Variants in NOS1AP observed in about 807,000 individuals in gnomAD.
NOS1AP encodes the protein carboxyl-terminal PDZ ligand of neuronal nitric oxide synthase protein.
A neutral mutation model predicts 56.2 loss-of-function variants in NOS1AP; 21 were observed. The observed-to-expected ratio is 0.37, with a 90% CI of 0.26 to 0.54. The LOEUF is 0.54. Among genes scored for constraint, NOS1AP ranks in the 20% least tolerant of loss-of-function variants. NOS1AP has a pLI of 0.84. For missense variants in NOS1AP, 522 were observed against 657.8 expected, an observed-to-expected ratio of 0.79 and a Z score of 2.26; for synonymous variants, 270 against 274.6, an observed-to-expected ratio of 0.98 and a Z score of 0.17.
intron 2 of NOS1AP, among the ~76,000 whole-genome samples, chr1:162,198,673 A>G (rs1040963784): frequency 2.0e-5 from 3 of 152,178 alleles, no homozygotes; most frequent in Non-Finnish European, 4.4e-5. Context: ...CTCTGACTCA[A>G]ATTTAATCCA....
At chr1:162,199,595 CGTGTGTGTGTGTGTGTGTGT>C (rs58625856) in intron 2 of NOS1AP, among the ~76,000 whole-genome samples, 1 of 131,590 alleles carries the variant, frequency 7.6e-6, no homozygotes, top group Non-Finnish European at 1.6e-5. Flanking sequence ...GCATGGATTG[CGTGTGTGTGTGTGTGTGTGT>C]GTGTGTGTGT....
intron 1 of NOS1AP, among the ~76,000 whole-genome samples, chr1:162,138,053 C>T (rs2102070843): frequency 6.6e-6 from 1 of 152,192 alleles, no homozygotes; most frequent in African/African-American, 2.4e-5. Context: ...ACATTGACAC[C>T]TTTTTTTAAA....
chr1:162,144,906 T>G lies in NOS1AP; in HGVS notation c.106-9499T>G, dbSNP rs114328505. Among the ~76,000 whole-genome samples, 254 of 152,330 alleles carry G rather than the reference T, an allele frequency of 1.7e-3. 1 individual carries two copies. The highest frequency in any genetic ancestry group is 5.7e-3 in the African/African-American group (239 of 41,584). The stretch of plus-strand genomic sequence containing the variant: ...AGAACTGAAAGACACAGCCTCCCCA[T>G]GGGCACGCTGGTTGGATCGTTCTGT... On this transcript the variant is annotated intron_variant, in intron 1 of 9. Transcript: ENST00000361897.
At chr1:162,106,204 C>T (rs1336977101) in intron 1 of NOS1AP, among the ~76,000 whole-genome samples, 1 of 152,246 alleles carries the variant, frequency 6.6e-6, no homozygotes, top group Non-Finnish European at 1.5e-5. Flanking sequence ...CAATCACTCA[C>T]TGCTTTCCTT....
intron 1 of NOS1AP, among the ~76,000 whole-genome samples, chr1:162,094,035 C>T (rs139099337): frequency 1.8e-4 from 27 of 152,282 alleles, no homozygotes; most frequent in African/African-American, 4.8e-4. Context: ...CCTCAATAGG[C>T]GTAAGTGCTT....
At chr1:162,136,995 G>A (rs1649030826) in intron 1 of NOS1AP, among the ~76,000 whole-genome samples, 1 of 152,208 alleles carries the variant, frequency 6.6e-6, no homozygotes, top group Non-Finnish European at 1.5e-5. Flanking sequence ...ACTTGCTCAT[G>A]AAGATTCTGA....
intron 1 of NOS1AP, among the ~76,000 whole-genome samples, chr1:162,089,918 A>T (rs1348660032): frequency 2.6e-5 from 4 of 152,260 alleles, no homozygotes; most frequent in Non-Finnish European, 1.5e-5. Context: ...TGTTGTCTTA[A>T]GCCTGTAGCT....
chr1:162,243,673 T>G (rs1455130598), intron 2 of NOS1AP, among the ~76,000 whole-genome samples: 3 of 152,234 alleles, frequency 2.0e-5, no homozygotes, highest in Non-Finnish European at 4.4e-5. Context: ...GGGTTAATTC[T>G]GAGAGGTTCC....
Position 162,327,656 on chromosome 1 carries a change from G to A in NOS1AP, c.345-5361G>A, listed in dbSNP as rs566538006. Among the ~76,000 whole-genome samples, 5 of 152,310 alleles carry A rather than the reference G, an allele frequency of 3.3e-5. No homozygotes were observed. The East Asian group carries it at 9.6e-4, about 29-fold the overall frequency. On this transcript the variant is annotated intron_variant, in intron 4 of 9. Coordinates refer to ENST00000361897, the MANE Select transcript of NOS1AP (RefSeq NM_014697.3). ...GCGCAAATTAGCTTTGAGCATTTGAGTAGACTACAGTGTGAACCAGCAATG... is the reference window on the plus strand; with the variant it reads ...GCGCAAATTAGCTTTGAGCATTTGAATAGACTACAGTGTGAACCAGCAATG...
chr1:162,261,612 A>G (rs1654244432), intron 2 of NOS1AP, among the ~76,000 whole-genome samples: 2 of 151,682 alleles, frequency 1.3e-5, no homozygotes, highest in African/African-American at 4.9e-5. Context: ...GATGATAAGG[A>G]AGGGGCCAGA....
At chr1:162,177,018 A>G (rs1557820765) in intron 2 of NOS1AP, among the ~76,000 whole-genome samples, 1 of 152,102 alleles carries the variant, frequency 6.6e-6, no homozygotes, top group Non-Finnish European at 1.5e-5. Flanking sequence ...TTCAGCATCT[A>G]CCTCCTCAAT....
At chr1:162,073,839 C>T (rs16849413) in intron 1 of NOS1AP, among the ~76,000 whole-genome samples, 5,558 of 152,220 alleles carry the variant, frequency 0.037, 180 homozygotes, top group East Asian at 0.17. Context: ...TGTCTGTGTT[C>T]AGAGTGGGTA....
intron 2 of NOS1AP, among the ~76,000 whole-genome samples, chr1:162,201,596 A>G (rs2102167067): frequency 6.6e-6 from 1 of 152,192 alleles, no homozygotes; most frequent in East Asian, 1.9e-4. Flanking sequence ...TTTTCTCTGC[A>G]ACCTTGCCAG....
At chr1:162,073,756 G>T (rs1300048366) in intron 1 of NOS1AP, among the ~76,000 whole-genome samples, 1 of 152,352 alleles carries the variant, frequency 6.6e-6, no homozygotes, top group South Asian at 2.1e-4. Flanking sequence ...CACTGCGCCC[G>T]GCTCAAACTT....
intron 1 of NOS1AP, among the ~76,000 whole-genome samples, chr1:162,151,893 G>C (rs1649725242): frequency 6.6e-6 from 1 of 152,104 alleles, no homozygotes; most frequent in South Asian, 2.1e-4. Context: ...CCATGACTGT[G>C]TGTGAAGGTG....
chr1:162,355,449 G>A (rs1657671456), intron 7 of NOS1AP, 96 bp downstream of exon 7: 11 of 1,442,902 alleles, frequency 7.6e-6, no homozygotes, highest in South Asian at 6.9e-5. Context: ...TCCGAGTGAG[G>A]CACTCCATGG....
intron 2 of NOS1AP, among the ~76,000 whole-genome samples, chr1:162,251,995 C>T (rs1171386177): frequency 6.7e-6 from 1 of 150,126 alleles, no homozygotes; most frequent in African/African-American, 2.4e-5. Flanking sequence ...ACAACTGGCC[C>T]AAGGCAGTAT....
intron 1 of NOS1AP, among the ~76,000 whole-genome samples, chr1:162,113,649 C>T (rs1420140191): frequency 1.3e-5 from 2 of 152,072 alleles, no homozygotes; most frequent in Non-Finnish European, 2.9e-5. Context: ...GGGAGGGGTG[C>T]CACACACTTT....
chr1:162,272,883 A>C (rs1215313151), intron 2 of NOS1AP, among the ~76,000 whole-genome samples: 1 of 152,178 alleles, frequency 6.6e-6, no homozygotes, highest in East Asian at 1.9e-4. Flanking sequence ...TCTGGGCCTC[A>C]CTGCAGCTCC....
Sources: gnomAD v4.1 joint callset for allele counts (sites outside exome capture counted in the v4.1 genomes callset) on GRCh38, gnomAD v4.1.1 for gene constraint, MANE v1.5 for transcripts, NCBI Gene and HGNC (gene_info 2026-07-23, HGNC 2026-07-21) for gene names.